M1AP: variants seen among roughly 807,000 people sequenced by gnomAD.
The protein encoded by M1AP is meiosis 1 associated protein, also known as meiosis 1 arrest protein.
M1AP carries 39 observed loss-of-function variants against 51.2 expected under a neutral mutation model. The observed-to-expected ratio is 0.76, with a 90% CI of 0.59 to 1.00. The LOEUF (loss-of-function observed/expected upper bound fraction) is 1.00. Ranked by LOEUF, M1AP falls within the 50% of genes least tolerant of loss-of-function variation. M1AP has a pLI of 0.00. For synonymous variants in M1AP, 251 were observed against 249.2 expected, an observed-to-expected ratio of 1.01 and a Z score of -0.07; for missense variants, 545 against 641.2, an observed-to-expected ratio of 0.85 and a Z score of 1.62.
At chr2:74,591,916 G>T (rs1406156301) in intron 4 of M1AP, among the ~76,000 whole-genome samples, 2 of 151,992 alleles carry the variant, frequency 1.3e-5, no homozygotes, top group Non-Finnish European at 2.9e-5. Flanking sequence ...CTTCTGAGTA[G>T]CTGGGATTAC....
intron 2 of M1AP, chr2:74,629,085 TTC>T (rs1682561548): frequency 6.3e-6 from 1 of 157,708 alleles, no homozygotes; most frequent in South Asian, 1.9e-4. Context: ...AGCTATCTGT[TTC>T]TGTTTTATTA....
chr2:74,631,194 A>AT (rs1682684152), intron 2 of M1AP, among the ~76,000 whole-genome samples: 2 of 152,128 alleles, frequency 1.3e-5, no homozygotes, highest in Middle Eastern at 3.2e-3. Context: ...TAGTTATATT[A>AT]TTTTATGGTA....
chr2:74,620,532 T>G (rs536210447), intron 2 of M1AP, among the ~76,000 whole-genome samples: 2 of 151,866 alleles, frequency 1.3e-5, no homozygotes, highest in Non-Finnish European at 2.9e-5. Flanking sequence ...AAACTGGGAG[T>G]TGGGAAATTT....
At chr2:74,561,112 A>AAGGAGGAGGAGGAGAAGGAGGAGGAGG (rs1677920262) in intron 8 of M1AP, among the ~76,000 whole-genome samples, 3 of 30,980 alleles carry the variant, frequency 9.7e-5, no homozygotes, top group Non-Finnish European at 1.9e-4. Context: ...GGAGGAGGAG[A>AAGGAGGAGGAGGAGAAGGAGGAGGAGG]AGGAGGAGGA....
chr2:74,640,675 C>T (rs7599988), intron 1 of M1AP, among the ~76,000 whole-genome samples: 2,622 of 152,150 alleles, frequency 0.017, 74 homozygotes, highest in African/African-American at 0.058. Flanking sequence ...CCAGGATGGT[C>T]TTGATCTCTT....
At chr2:74,574,318 G>C (rs530273443) in intron 7 of M1AP, among the ~76,000 whole-genome samples, 1 of 152,264 alleles carries the variant, frequency 6.6e-6, no homozygotes, top group African/African-American at 2.4e-5. Flanking sequence ...CAGAAACCAT[G>C]CAGTTATTTG....
intron 1 of M1AP, 22 bp downstream of exon 1, chr2:74,648,243 C>T (rs1362572086): frequency 1.0e-6 from 1 of 982,924 alleles, no homozygotes; most frequent in Non-Finnish European, 1.2e-6. Flanking sequence ...GCCCTCCCTC[C>T]CCGAGGCGTG....
At chr2:74,605,490 G>T (rs1291034652) in intron 4 of M1AP, among the ~76,000 whole-genome samples, 1 of 152,178 alleles carries the variant, frequency 6.6e-6, no homozygotes, top group Non-Finnish European at 1.5e-5. Context: ...CCATGCATGA[G>T]ATCTAACCTT....
At chr2:74,648,141 C>T in intron 1 of M1AP, 124 bp downstream of exon 1, 4 of 969,770 alleles carry the variant, frequency 4.1e-6, no homozygotes, top group Non-Finnish European at 4.9e-6. Flanking sequence ...GCACCCGCCA[C>T]GGCCAGCGCA....
At chr2:74,570,718 G>T (rs1678684806) in intron 7 of M1AP, among the ~76,000 whole-genome samples, 1 of 152,210 alleles carries the variant, frequency 6.6e-6, no homozygotes, top group African/African-American at 2.4e-5. Flanking sequence ...TATTAATTTG[G>T]TTGGAGTGTA....
chr2:74,616,479 G>A (rs1195689258), intron 2 of M1AP, among the ~76,000 whole-genome samples: 1 of 151,948 alleles, frequency 6.6e-6, no homozygotes, highest in Non-Finnish European at 1.5e-5. Flanking sequence ...TTTCCCAAGA[G>A]ATAGAAATTT....
At chr2:74,645,040 C>A (rs1683521661) in intron 1 of M1AP, among the ~76,000 whole-genome samples, 1 of 152,188 alleles carries the variant, frequency 6.6e-6, no homozygotes, top group Admixed American at 6.5e-5. Flanking sequence ...AATCTTGCCG[C>A]TGCTCACTTT....
intron 2 of M1AP, among the ~76,000 whole-genome samples, chr2:74,638,830 G>T (rs1000233625): frequency 6.6e-6 from 1 of 152,224 alleles, no homozygotes; most frequent in Non-Finnish European, 1.5e-5. Context: ...TAGTAACTAT[G>T]AGATGATGTT....
In M1AP at chr2:74,566,394, G is replaced by T. The variant is rs572361234; in HGVS notation, c.1075-3971C>A. Among the ~76,000 whole-genome samples, 60 of 152,268 alleles carry T rather than the reference G, an allele frequency of 3.9e-4. 1 individual carries two copies. Among genetic ancestry groups the T allele is most frequent in the Middle Eastern group, 3.4e-3 (1 of 294 alleles). ...AAGGCTTCATACCGAAATTATTTAA[G>T]CAGGATCTGGAAAAAAATGAGTAGA... On this transcript the variant is annotated intron_variant, in intron 7 of 10. Transcript: ENST00000421985.
At chr2:74,565,550 C>T (rs535382046) in intron 7 of M1AP, among the ~76,000 whole-genome samples, 5 of 152,056 alleles carry the variant, frequency 3.3e-5, no homozygotes, top group Admixed American at 6.6e-5. Flanking sequence ...ATTTGGCAGC[C>T]GGGCGTGGTG....
chr2:74,620,583 T>C (rs1296384974), intron 2 of M1AP: 2 of 169,650 alleles, frequency 1.2e-5, no homozygotes, highest in Non-Finnish European at 2.6e-5. Flanking sequence ...CTGGGGCTAC[T>C]GCAATGCAAA....
At chr2:74,575,396 A>G (rs921666567) in intron 7 of M1AP, 42 bp downstream of exon 7, 2 of 1,612,046 alleles carry the variant, frequency 1.2e-6, no homozygotes, top group East Asian at 2.2e-5. Flanking sequence ...TTGGTACTTT[A>G]AAAACGATTC....
chr2:74,631,679 A>C (rs1338687221), intron 2 of M1AP, among the ~76,000 whole-genome samples: 2 of 152,186 alleles, frequency 1.3e-5, no homozygotes, highest in Non-Finnish European at 2.9e-5. Flanking sequence ...AGATCTTCAC[A>C]GTAAGGGCAT....
At chr2:74,585,004 G>A (rs1180614401) in intron 4 of M1AP, among the ~76,000 whole-genome samples, 2 of 151,428 alleles carry the variant, frequency 1.3e-5, no homozygotes, top group Non-Finnish European at 2.9e-5. Flanking sequence ...CACCACACCT[G>A]GCTAATTTTT....
Sources: gnomAD v4.1 joint callset for allele counts (sites outside exome capture counted in the v4.1 genomes callset) on GRCh38, gnomAD v4.1.1 for gene constraint, MANE v1.5 for transcripts, NCBI Gene and HGNC (gene_info 2026-07-23, HGNC 2026-07-21) for gene names.